ATP2B2: variants seen among roughly 807,000 people sequenced by gnomAD.
ATP2B2 encodes the protein ATPase plasma membrane Ca2+ transporting 2.
ATP2B2 carries 15 observed loss-of-function variants against 120.0 expected under a neutral mutation model. The ratio of observed to expected loss-of-function variants is 0.12; its 90% confidence interval spans 0.08 to 0.19. ATP2B2 has a LOEUF of 0.19. Ranked by LOEUF, ATP2B2 falls within the 10% of genes least tolerant of loss-of-function variation. The pLI is 1.00. For missense variants in ATP2B2, 1,045 were observed against 1,719.8 expected, an observed-to-expected ratio of 0.61 and a Z score of 6.94; for synonymous variants, 694 against 700.3, an observed-to-expected ratio of 0.99 and a Z score of 0.14.
chr3:10,624,459 C>T (rs17033257), intron 1 of ATP2B2, among the ~76,000 whole-genome samples: 15,896 of 152,180 alleles, frequency 0.1, 883 homozygotes, highest in East Asian at 0.21. Context: ...GGTGGCCATA[C>T]GCTCTTGAAG....
At chr3:10,670,594 A>G (rs1462558421) in intron 1 of ATP2B2, among the ~76,000 whole-genome samples, 2 of 151,786 alleles carry the variant, frequency 1.3e-5, no homozygotes, top group African/African-American at 4.8e-5. Context: ...ATTTTTTTGT[A>G]TTTTTAGTAC....
intron 2 of ATP2B2, among the ~76,000 whole-genome samples, chr3:10,606,912 C>CACACACACACACAGAG (rs1405755716): frequency 3.2e-5 from 2 of 62,524 alleles, no homozygotes; most frequent in African/African-American, 9.5e-5. Flanking sequence ...CACACACACA[C>CACACACACACACAGAG]AGAGAGAGAG....
At chr3:10,431,672 C>T (rs1462772928) in intron 2 of ATP2B2, among the ~76,000 whole-genome samples, 1 of 152,040 alleles carries the variant, frequency 6.6e-6, no homozygotes, top group Non-Finnish European at 1.5e-5. Flanking sequence ...TTGATCACTA[C>T]CCTTTTATCT....
chr3:10,352,326 C>T (rs1402510444), intron 14 of ATP2B2, among the ~76,000 whole-genome samples: 4 of 152,234 alleles, frequency 2.6e-5, no homozygotes, highest in Non-Finnish European at 4.4e-5. Context: ...AGTGACCTGC[C>T]TGAGTGTCAG....
intron 1 of ATP2B2, among the ~76,000 whole-genome samples, chr3:10,703,356 T>C (rs535130260): frequency 9.2e-5 from 14 of 152,316 alleles, no homozygotes; most frequent in Admixed American, 2.6e-4. Context: ...CCACATGGTC[T>C]TCCTTCTAGG....
intron 2 of ATP2B2, among the ~76,000 whole-genome samples, chr3:10,545,013 C>G (rs1215606387): frequency 3.3e-5 from 5 of 152,156 alleles, no homozygotes; most frequent in Admixed American, 3.3e-4. Context: ...AACCAATAAA[C>G]TGTAATATCG....
chr3:10,361,002 G>T (rs769962193), intron 12 of ATP2B2, among the ~76,000 whole-genome samples: 1 of 152,046 alleles, frequency 6.6e-6, no homozygotes. Flanking sequence ...TATATAAATG[G>T]AATCATACAG....
intron 3 of ATP2B2, among the ~76,000 whole-genome samples, chr3:10,406,348 G>A (rs527925374): frequency 2.6e-5 from 4 of 152,334 alleles, no homozygotes; most frequent in African/African-American, 4.8e-5. Context: ...ACAGTGTCAC[G>A]GCTGGACAAG....
intron 1 of ATP2B2, among the ~76,000 whole-genome samples, chr3:10,660,582 G>A (rs2125678813): frequency 6.6e-6 from 1 of 152,254 alleles, no homozygotes; most frequent in South Asian, 2.1e-4. Context: ...CCAATAACAG[G>A]CTCTGAAATT....
At chr3:10,392,899 C>A (rs1232258409) in intron 5 of ATP2B2, among the ~76,000 whole-genome samples, 1 of 152,232 alleles carries the variant, frequency 6.6e-6, no homozygotes, top group Non-Finnish European at 1.5e-5. Context: ...CAGCCTAGGG[C>A]ATGTCCTGGG....
At chr3:10,505,647 A>G (rs1482684247), upstream of ATP2B2, 4 of 132,330 alleles carry the variant, frequency 3.0e-5, no homozygotes, top group African/African-American at 8.6e-5. Context: ...GTTCTAGGAG[A>G]GCATCTCGCC....
Position 10,340,651 on chromosome 3 carries a change from G to C in ATP2B2, c.2971C>G (p.Pro991Ala). 1 of 1,614,254 alleles carries C rather than the reference G, an allele frequency of 6.2e-7. No homozygotes were observed. The stretch of plus-strand genomic sequence containing the variant: ...AAGATGATGGTGTAATGTTCTGAGG[G>C]TGGCGAATGCAGGGGCGCGTTCCTC... ...SGRNAPLHSPPSEHYTIIFNT... is the reference protein window; with the variant it reads ...SGRNAPLHSPASEHYTIIFNT... Residue 991 changes from proline (P) to alanine (A), a missense_variant, in exon 20 of 23, where the codon CCC (proline) becomes GCC (alanine). By Grantham distance (27) the Pro-to-Ala change is conservative. Around this residue, in one of 11 missense-constraint regions of ATP2B2, gnomAD observed 211 missense variants for 385.1 expected, o/e 0.55. Coordinates refer to ENST00000360273, the MANE Select transcript of ATP2B2 (RefSeq NM_001001331.4). This position sits in a 1 kb window ranked among gnomAD's most constrained non-coding sequence, Gnocchi z 5.0.
intron 2 of ATP2B2, among the ~76,000 whole-genome samples, chr3:10,443,103 C>A (rs982202595): frequency 2.6e-5 from 4 of 152,176 alleles, no homozygotes; most frequent in Non-Finnish European, 5.9e-5. Flanking sequence ...CTAACGGTGC[C>A]GTGGTTTGGC....
At chr3:10,341,663 G>A (rs1048449626) in intron 19 of ATP2B2, among the ~76,000 whole-genome samples, 6 of 152,104 alleles carry the variant, frequency 3.9e-5, no homozygotes, top group African/African-American at 1.4e-4. Context: ...GAGGCTTGTG[G>A]AGTTTTCTGG....
intron 1 of ATP2B2, among the ~76,000 whole-genome samples, chr3:10,462,146 C>T (rs1237478136): frequency 6.6e-6 from 1 of 152,158 alleles, no homozygotes; most frequent in East Asian, 1.9e-4. Context: ...CCGACCTTTC[C>T]ACCACGGCCT....
intron 1 of ATP2B2, among the ~76,000 whole-genome samples, chr3:10,649,394 A>G (rs1294489084): frequency 2.6e-5 from 4 of 152,186 alleles, no homozygotes; most frequent in African/African-American, 9.7e-5. Context: ...GGGTCCCATA[A>G]GCCCACAGAG....
chr3:10,500,126 C>A (rs1021200244), intron 1 of ATP2B2, among the ~76,000 whole-genome samples: 4 of 151,682 alleles, frequency 2.6e-5, no homozygotes, highest in African/African-American at 9.7e-5. Context: ...TTAGTAGAAA[C>A]GGGGTTTTGC....
intron 1 of ATP2B2, among the ~76,000 whole-genome samples, chr3:10,461,896 C>G (rs1245511923): frequency 6.6e-6 from 1 of 152,208 alleles, no homozygotes; most frequent in Non-Finnish European, 1.5e-5. Context: ...AGGACCCCCA[C>G]TGGCAAACTC....
chr3:10,625,824 T>A (rs2069683324), intron 1 of ATP2B2, among the ~76,000 whole-genome samples: 1 of 152,218 alleles, frequency 6.6e-6, no homozygotes, highest in Non-Finnish European at 1.5e-5. Flanking sequence ...ATTGTATGTT[T>A]AACACCTCCC....
Sources: allele counts gnomAD v4.1 joint callset (sites outside exome capture counted in the v4.1 genomes callset), GRCh38; gene constraint gnomAD v4.1.1; regional missense constraint gnomAD v4.1.1; non-coding constraint Gnocchi (gnomAD v3.1); transcripts MANE v1.5; gene names NCBI Gene and HGNC (gene_info 2026-07-23, HGNC 2026-07-21).